The following C3orf52 variants were observed in gnomAD, a reference collection of about 807,000 sequenced individuals.
C3orf52 encodes chromosome 3 open reading frame 52.
Under a neutral mutation model 24.8 loss-of-function variants are expected in C3orf52, and 22 were observed. That is an observed-to-expected ratio of 0.89 (90% confidence interval 0.63 to 1.27). C3orf52 has a LOEUF of 1.27. Ranked by LOEUF, C3orf52 falls within the 50% of genes most tolerant of loss-of-function variation. The probability of loss-of-function intolerance (pLI) is 0.00; values close to 1 mark genes in which losing one functional copy is unlikely to be tolerated. For synonymous variants in C3orf52, 93 were observed against 100.2 expected (o/e 0.93, Z 0.43); for missense variants, 265 against 260.7 (o/e 1.02, Z -0.11).
At chr3:112,107,388 C>G (rs760369731) in intron 3 of C3orf52, among the ~76,000 whole-genome samples, 8 of 152,226 alleles carry the variant, frequency 5.3e-5, no homozygotes, top group Non-Finnish European at 7.3e-5. Context: ...CCCGTGAAAG[C>G]TGCTTTCCTA....
chr3:112,088,043 C>G (rs1331718219), intron 1 of C3orf52, among the ~76,000 whole-genome samples: 1 of 152,190 alleles, frequency 6.6e-6, no homozygotes, highest in Non-Finnish European at 1.5e-5. Flanking sequence ...TAGCACCTAC[C>G]CTGTAGCAAT....
At chr3:112,135,028 G>A (rs1425358575), downstream of C3orf52, 1 of 154,828 alleles carries the variant, frequency 6.5e-6, no homozygotes, top group Non-Finnish European at 1.5e-5. Context: ...TCTTTATCTT[G>A]ATTGTGTTAG....
intron 1 of C3orf52, among the ~76,000 whole-genome samples, chr3:112,092,770 C>T (rs2107775344): frequency 6.6e-6 from 1 of 152,304 alleles, no homozygotes; most frequent in East Asian, 1.9e-4. Flanking sequence ...CCTTTCATTT[C>T]CCTTCCCAAC....
chr3:112,101,009 T>C (rs1351661155), intron 2 of C3orf52, among the ~76,000 whole-genome samples: 1 of 152,246 alleles, frequency 6.6e-6, no homozygotes, highest in Non-Finnish European at 1.5e-5. Context: ...TTTTCTTTGC[T>C]TTGTTACAAT....
intron 1 of C3orf52, among the ~76,000 whole-genome samples, chr3:112,092,378 T>C (rs2107775088): frequency 6.6e-6 from 1 of 152,326 alleles, no homozygotes; most frequent in African/African-American, 2.4e-5. Flanking sequence ...TGTATTCTGT[T>C]GTTTCCCATG....
At chr3:112,089,529 CAAAAAAA>C (rs56236834) in intron 1 of C3orf52, among the ~76,000 whole-genome samples, 1 of 97,584 alleles carries the variant, frequency 1.0e-5, no homozygotes, top group Non-Finnish European at 2.1e-5. Flanking sequence ...AACTTCGTCT[CAAAAAAA>C]AAAAAAAAAA....
In C3orf52 at chr3:112,086,538, C is replaced by G. The variant is rs778923035; in HGVS notation, c.131C>G (p.Pro44Arg). The G allele has an allele frequency of 1.3e-6, 2 of 1,550,828 alleles. No individual in the cohort carries two copies. The highest frequency in any genetic ancestry group is 1.7e-6 in the Non-Finnish European group (2 of 1,146,494). Reference protein sequence around the residue: ...VFPSLDEEVPPAEANKESPWS... With the variant: ...VFPSLDEEVPRAEANKESPWS... ...CCTTCTTTGGACGAGGAGGTCCCCC[C>G]GGCCGAGGTAAGGTCCCCTTGGCGC... Residue 44 changes from proline to arginine, a missense_variant, in exon 1 of 6, where the codon CCG becomes CGG. Coordinates refer to ENST00000264848, the MANE Select transcript of C3orf52 (RefSeq NM_024616.3).
intron 4 of C3orf52, among the ~76,000 whole-genome samples, chr3:112,124,470 G>A (rs1287851940): frequency 6.6e-6 from 1 of 152,108 alleles, no homozygotes; most frequent in African/African-American, 2.4e-5. Flanking sequence ...TTAGCCAGGT[G>A]TGATGGCACA....
At chr3:112,113,914 C>T (rs1035281029) in intron 5 of C3orf52, among the ~76,000 whole-genome samples, 1 of 152,156 alleles carries the variant, frequency 6.6e-6, no homozygotes, top group Non-Finnish European at 1.5e-5. Context: ...TCTGATACCT[C>T]GCTCGGAGGC....
intron 1 of C3orf52, among the ~76,000 whole-genome samples, chr3:112,092,565 C>G (rs991175119): frequency 7.9e-5 from 12 of 152,312 alleles, no homozygotes; most frequent in Middle Eastern, 3.4e-3. Flanking sequence ...GGGATTGGTT[C>G]TGGCTCATCT....
intron 4 of C3orf52, among the ~76,000 whole-genome samples, chr3:112,127,362 T>C (rs2074350873): frequency 6.6e-6 from 1 of 152,210 alleles, no homozygotes; most frequent in African/African-American, 2.4e-5. Context: ...TTTTCTATCA[T>C]GTGAGTGAAG....
intron 2 of C3orf52, among the ~76,000 whole-genome samples, chr3:112,102,607 C>T (rs1244861186): frequency 6.6e-6 from 1 of 152,042 alleles, no homozygotes. Context: ...AATCTGAGAC[C>T]CCTTTGCCAT....
At chr3:112,102,767 A>T (rs1049137040) in intron 2 of C3orf52, 71 bp from the exon 3 acceptor site, 1 of 1,355,500 alleles carries the variant, frequency 7.4e-7, no homozygotes, top group Non-Finnish European at 1.0e-6. Context: ...AGTCAATGGA[A>T]TAAATAAGTT....
chr3:112,123,371 T>C (rs2074235823), intron 4 of C3orf52: 1 of 1,551,866 alleles, frequency 6.4e-7, no homozygotes, highest in Non-Finnish European at 8.7e-7. Context: ...TGGAGGGACT[T>C]TGTGTCCCAT....
At chr3:112,094,887 G>A (rs982513972) in intron 2 of C3orf52, among the ~76,000 whole-genome samples, 2 of 152,176 alleles carry the variant, frequency 1.3e-5, no homozygotes, top group African/African-American at 4.8e-5. Flanking sequence ...GTTGAGTCCA[G>A]CTCCCAGTTA....
At chr3:112,134,570 T>G (rs2074529721), downstream of C3orf52, 1 of 152,212 alleles carries the variant, frequency 6.6e-6, no homozygotes, top group African/African-American at 2.4e-5. Flanking sequence ...ATCTCAGAAG[T>G]ATGGCAATTT....
intron 2 of C3orf52, among the ~76,000 whole-genome samples, chr3:112,096,207 C>A (rs188658447): frequency 5.3e-5 from 8 of 152,206 alleles, no homozygotes; most frequent in Admixed American, 5.2e-4. Flanking sequence ...GCAAAACTAC[C>A]CAGAAAGGCT....
intron 1 of C3orf52, 115 bp from the exon 2 acceptor site, chr3:112,093,245 G>A: frequency 9.8e-7 from 1 of 1,020,492 alleles, no homozygotes. Flanking sequence ...GTAGAGTGTT[G>A]CCCTAAGGTC....
rs1160828418 is a variant in C3orf52, at chr3:112,086,556, C to T, written c.138+11C>T. The T allele has an allele frequency of 4.5e-6, 7 of 1,548,976 alleles. No homozygotes were observed. In the Admixed American group the frequency reaches 9.9e-5, roughly 22 times the overall value. ...GTCCCCCCGGCCGAGGTAAGGTCCC[C>T]TTGGCGCTGGCCCTAACTTGCCGGC... On this transcript the variant is annotated intron_variant, in intron 1 of 5. Coordinates refer to ENST00000264848, the MANE Select transcript of C3orf52 (RefSeq NM_024616.3).
Sources: gnomAD v4.1 joint callset for allele counts (sites outside exome capture counted in the v4.1 genomes callset) on GRCh38, gnomAD v4.1.1 for gene constraint, MANE v1.5 for transcripts, NCBI Gene and HGNC (gene_info 2026-07-23, HGNC 2026-07-21) for gene names.